The following RBFOX1 variants were observed in gnomAD, a reference collection of about 807,000 sequenced individuals.
RBFOX1 encodes RNA binding protein fox-1 homolog 1.
RBFOX1 carries 8 observed loss-of-function variants against 57.7 expected under a neutral mutation model. That is an observed-to-expected ratio of 0.14 (90% CI 0.08 to 0.25). The LOEUF is 0.25. RBFOX1 is among the 10% of genes least tolerant of loss of function. The pLI is 1.00. For missense variants in RBFOX1, 611 were observed against 548.5 expected, an observed-to-expected ratio of 1.11 and a Z score of -1.14; for synonymous variants, 326 against 222.4, an observed-to-expected ratio of 1.47 and a Z score of -4.15.
At chr16:6,524,244 T>C (rs185999046) in intron 2 of RBFOX1, among the ~76,000 whole-genome samples, 1 of 152,212 alleles carries the variant, frequency 6.6e-6, no homozygotes, top group South Asian at 2.1e-4. Context: ...GAATATGCAC[T>C]GTGTGACTTT....
chr16:7,551,169 G>A (rs913830818), intron 5 of RBFOX1, among the ~76,000 whole-genome samples: 3 of 151,836 alleles, frequency 2.0e-5, no homozygotes, highest in Non-Finnish European at 4.4e-5. Context: ...GGACTGGTGT[G>A]CACCGCTGCC....
chr16:7,473,730 T>C (rs552216297), intron 4 of RBFOX1, among the ~76,000 whole-genome samples: 1 of 152,070 alleles, frequency 6.6e-6, no homozygotes, highest in South Asian at 2.1e-4. Flanking sequence ...GATTTACTAG[T>C]ATGCTCCCTC....
chr16:6,026,648 A>G lies in RBFOX1; in HGVS notation c.-127+6656A>G, dbSNP rs1004104174. Among the ~76,000 whole-genome samples the G allele has an allele frequency of 2.2e-4, 34 of 152,340 alleles. 1 individual carries two copies. The highest frequency in any genetic ancestry group is 6.8e-3 in the Middle Eastern group (2 of 294). Reference sequence around the variant, plus strand: ...TAGAGCCACAAAAGGAAAACAAGGCACTTGTTTCTATTTATTGCAGTATTA... The same window carrying G: ...TAGAGCCACAAAAGGAAAACAAGGCGCTTGTTTCTATTTATTGCAGTATTA... On this transcript the variant is annotated intron_variant, in intron 1 of 15. Coordinates refer to ENST00000550418, the MANE Select transcript of RBFOX1 (RefSeq NM_018723.4).
At chr16:6,131,427 T>A (rs1383725254) in intron 1 of RBFOX1, among the ~76,000 whole-genome samples, 2 of 152,212 alleles carry the variant, frequency 1.3e-5, no homozygotes, top group Non-Finnish European at 2.9e-5. Context: ...AAAATATTTA[T>A]GATCTAGCCC....
chr16:6,450,828 T>TATAC (rs2094595348), intron 2 of RBFOX1, among the ~76,000 whole-genome samples: 3 of 27,390 alleles, frequency 1.1e-4, no homozygotes, highest in South Asian at 1.2e-3. Flanking sequence ...CATATATATA[T>TATAC]ATATATATGT....
chr16:7,567,557 A>G (rs192351181), intron 5 of RBFOX1, among the ~76,000 whole-genome samples: 14 of 91,256 alleles, frequency 1.5e-4, no homozygotes, highest in African/African-American at 4.6e-4. Context: ...ATATCCCTAT[A>G]TATGGCCCTA....
intron 4 of RBFOX1, among the ~76,000 whole-genome samples, chr16:7,166,294 G>A (rs568405457): frequency 3.9e-5 from 6 of 152,202 alleles, no homozygotes; most frequent in East Asian, 1.9e-4. Context: ...GATTATAGGC[G>A]TGAACCACCG....
At chr16:7,559,451 T>G (rs886739564) in intron 5 of RBFOX1, among the ~76,000 whole-genome samples, 2 of 152,176 alleles carry the variant, frequency 1.3e-5, no homozygotes, top group Admixed American at 1.3e-4. Flanking sequence ...AAACATCACC[T>G]GCCTCCAACC....
At chr16:6,337,420 C>T (rs908180167) in intron 2 of RBFOX1, among the ~76,000 whole-genome samples, 2 of 152,174 alleles carry the variant, frequency 1.3e-5, no homozygotes, top group Admixed American at 1.3e-4. Flanking sequence ...CAAACCAGAA[C>T]AAACCTCAGA....
At chr16:7,186,267 CATAAACATAAACATATTTATATAAAT>C (rs1261134947) in intron 4 of RBFOX1, among the ~76,000 whole-genome samples, 5 of 76,322 alleles carry the variant, frequency 6.6e-5, no homozygotes, top group Admixed American at 1.2e-4. Context: ...TTTATATAAA[CATAAACATAAACATATTTATATAAAT>C]ATAAACATAA....
intron 2 of RBFOX1, among the ~76,000 whole-genome samples, chr16:5,565,486 A>G (rs1034378858): frequency 2.0e-5 from 3 of 152,020 alleles, no homozygotes; most frequent in Admixed American, 2.0e-4. Flanking sequence ...TTAGCTGGGC[A>G]TGGTGGCACC....
intron 3 of RBFOX1, among the ~76,000 whole-genome samples, chr16:7,020,690 A>G (rs895480512): frequency 6.6e-6 from 1 of 152,192 alleles, no homozygotes; most frequent in Non-Finnish European, 1.5e-5. Context: ...CTGTGTCATC[A>G]CACTGCAGAG....
chr16:6,780,435 GATATATTTATATATACATTTTTAT>G (rs2080747835), intron 3 of RBFOX1, among the ~76,000 whole-genome samples: 1 of 48,738 alleles, frequency 2.1e-5, no homozygotes, highest in Non-Finnish European at 3.6e-5. Context: ...TATATTTATA[GATATATTTATATATACATTTTTAT>G]ATATATTTAT....
intron 3 of RBFOX1, among the ~76,000 whole-genome samples, chr16:6,820,051 T>C (rs1234335840): frequency 6.6e-6 from 1 of 152,144 alleles, no homozygotes; most frequent in African/African-American, 2.4e-5. Flanking sequence ...GGAAGTAAAA[T>C]TGAATCGTGG....
chr16:5,486,891 T>A (rs1230890371), intron 2 of RBFOX1, among the ~76,000 whole-genome samples: 1 of 152,016 alleles, frequency 6.6e-6, no homozygotes, highest in Non-Finnish European at 1.5e-5. Flanking sequence ...CCCAGCAACC[T>A]CAGAAGCCCT....
At chr16:6,529,776 A>G (rs906001980) in intron 2 of RBFOX1, among the ~76,000 whole-genome samples, 2 of 152,120 alleles carry the variant, frequency 1.3e-5, no homozygotes, top group Non-Finnish European at 2.9e-5. Flanking sequence ...AGTTGTAGTA[A>G]CACTTGAGAA....
intron 5 of RBFOX1, among the ~76,000 whole-genome samples, chr16:7,563,142 G>C (rs1007255786): frequency 1.3e-5 from 2 of 152,200 alleles, no homozygotes; most frequent in African/African-American, 4.8e-5. Context: ...TGAGTCATCA[G>C]ACAATGTGAA....
intron 1 of RBFOX1, among the ~76,000 whole-genome samples, chr16:6,026,774 C>T (rs1467027756): frequency 6.6e-6 from 1 of 152,184 alleles, no homozygotes; most frequent in Non-Finnish European, 1.5e-5. Flanking sequence ...CTGGGTTGCC[C>T]AGGGCATCTC....
intron 4 of RBFOX1, among the ~76,000 whole-genome samples, chr16:7,248,538 C>T (rs1419333928): frequency 6.6e-6 from 1 of 152,210 alleles, no homozygotes; most frequent in Non-Finnish European, 1.5e-5. Context: ...TCACCCATCA[C>T]AGATGGTTTT....
Sources: gnomAD v4.1 joint callset for allele counts (sites outside exome capture counted in the v4.1 genomes callset) on GRCh38, gnomAD v4.1.1 for gene constraint, MANE v1.5 for transcripts, NCBI Gene and HGNC (gene_info 2026-07-23, HGNC 2026-07-21) for gene names.